APBB2: variants seen among roughly 807,000 people sequenced by gnomAD.
APBB2 encodes the protein Fe65-like 1.
In APBB2, 38 loss-of-function variants were observed where a neutral mutation model predicts 82.5. The observed-to-expected ratio is 0.46, with a 90% CI of 0.36 to 0.60. The LOEUF (loss-of-function observed/expected upper bound fraction) is 0.60. APBB2 is among the 20% of genes least tolerant of loss of function. APBB2 has a pLI of 0.00. For synonymous variants in APBB2, 341 were observed against 368.2 expected (o/e 0.93, Z 0.85); for missense variants, 772 against 972.3 (o/e 0.79, Z 2.74).
At chr4:41,122,389 C>G (rs1159954742) in intron 2 of APBB2, among the ~76,000 whole-genome samples, 1 of 152,120 alleles carries the variant, frequency 6.6e-6, no homozygotes, top group East Asian at 1.9e-4. Context: ...GTCTCCCTAC[C>G]TTCTTCCCCT....
intron 12 of APBB2, among the ~76,000 whole-genome samples, chr4:40,884,181 G>C (rs1395564775): frequency 6.6e-6 from 1 of 152,128 alleles, no homozygotes; most frequent in Admixed American, 6.5e-5. Context: ...AAATACCTGG[G>C]GTGTGTTTTT....
chr4:41,113,093 C>T (rs1749783689), intron 2 of APBB2, among the ~76,000 whole-genome samples: 1 of 152,032 alleles, frequency 6.6e-6, no homozygotes, highest in Non-Finnish European at 1.5e-5. Flanking sequence ...TCTGTGAGTC[C>T]AGGGCTGGGT....
intron 6 of APBB2, among the ~76,000 whole-genome samples, chr4:40,971,252 A>C (rs1369648483): frequency 2.0e-5 from 3 of 152,240 alleles, no homozygotes; most frequent in Admixed American, 6.5e-5. Flanking sequence ...CTAAAATTTA[A>C]ACATACTGAG....
chr4:40,855,585 A>G (rs1760923016), intron 12 of APBB2, among the ~76,000 whole-genome samples: 1 of 152,012 alleles, frequency 6.6e-6, no homozygotes, highest in South Asian at 2.1e-4. Flanking sequence ...AAAAAACAGA[A>G]ATTAGCCGGG....
At chr4:40,867,773 TC>T (rs1479579206) in intron 12 of APBB2, among the ~76,000 whole-genome samples, 14 of 152,146 alleles carry the variant, frequency 9.2e-5, no homozygotes, top group Non-Finnish European at 1.3e-4. Context: ...CAGTCTGTAT[TC>T]CTTTCATATA....
intron 1 of APBB2, among the ~76,000 whole-genome samples, chr4:41,191,126 G>A (rs1774315144): frequency 6.6e-6 from 1 of 152,202 alleles, no homozygotes; most frequent in Non-Finnish European, 1.5e-5. Context: ...CCAGGAAGGA[G>A]AACGCTCAGA....
chr4:41,137,200 G>C (rs986162949), intron 2 of APBB2, among the ~76,000 whole-genome samples: 16 of 152,198 alleles, frequency 1.1e-4, no homozygotes, highest in African/African-American at 3.9e-4. Flanking sequence ...TAATAGTTTT[G>C]TGATATGAGA....
At chr4:41,213,195 C>G (rs1779763868) in intron 1 of APBB2, among the ~76,000 whole-genome samples, 1 of 152,020 alleles carries the variant, frequency 6.6e-6, no homozygotes, top group Non-Finnish European at 1.5e-5. Context: ...ATGATAAACC[C>G]ATGCCAACCT....
At chr4:40,935,474 A>T in intron 7 of APBB2, 1 of 234,154 alleles carries the variant, frequency 4.3e-6, no homozygotes, top group Non-Finnish European at 8.2e-6. Context: ...ACCTAATTCC[A>T]TAATAATCAT....
chr4:41,046,557 A>G (rs1723494515), intron 4 of APBB2, among the ~76,000 whole-genome samples: 1 of 152,176 alleles, frequency 6.6e-6, no homozygotes, highest in East Asian at 1.9e-4. Flanking sequence ...AACATAAGAG[A>G]TGAACTGCCT....
intron 12 of APBB2, among the ~76,000 whole-genome samples, chr4:40,840,686 C>G (rs183397765): frequency 5.9e-5 from 9 of 152,244 alleles, no homozygotes; most frequent in Non-Finnish European, 1.3e-4. Flanking sequence ...ACAGGCTTAG[C>G]AGGGAATTCT....
intron 2 of APBB2, among the ~76,000 whole-genome samples, chr4:41,137,206 T>A (rs531891336): frequency 6.6e-6 from 1 of 152,318 alleles, no homozygotes; most frequent in South Asian, 2.1e-4. Flanking sequence ...TTTTGTGATA[T>A]GAGACCCAAT....
intron 2 of APBB2, chr4:41,138,056 A>G (rs1040975692): frequency 1.3e-5 from 2 of 152,248 alleles, no homozygotes; most frequent in African/African-American, 4.8e-5. Flanking sequence ...AGTTCCAGTT[A>G]CTCGAGAGGC....
At chr4:41,052,185 T>C (rs1322047487) in intron 4 of APBB2, among the ~76,000 whole-genome samples, 2 of 145,012 alleles carry the variant, frequency 1.4e-5, no homozygotes, top group Admixed American at 6.9e-5. Flanking sequence ...CTGGGCAACA[T>C]AGCAAGACCT....
At chr4:41,137,875 T>A (rs1422350585) in intron 2 of APBB2, among the ~76,000 whole-genome samples, 1 of 152,114 alleles carries the variant, frequency 6.6e-6, no homozygotes, top group Admixed American at 6.5e-5. Flanking sequence ...CCCAAATGAA[T>A]TAAACACCAA....
chr4:40,888,433 G>A (rs1216564371), intron 12 of APBB2, among the ~76,000 whole-genome samples: 3 of 151,944 alleles, frequency 2.0e-5, no homozygotes, highest in Non-Finnish European at 4.4e-5. Context: ...TACACGCATG[G>A]AATGTAACAA....
At chr4:41,048,721 G>A (rs1035248509) in intron 4 of APBB2, among the ~76,000 whole-genome samples, 4 of 141,188 alleles carry the variant, frequency 2.8e-5, no homozygotes, top group African/African-American at 7.7e-5. Context: ...CTCTGATGCC[G>A]AGCGGAAGCT....
chr4:40,922,180 A>G (rs563246877), intron 10 of APBB2, among the ~76,000 whole-genome samples: 1 of 152,390 alleles, frequency 6.6e-6, no homozygotes, highest in South Asian at 2.1e-4. Context: ...ACATGAAGCA[A>G]CAGAAATCCA....
chr4:41,136,333 G>T (rs1371211003), intron 2 of APBB2, among the ~76,000 whole-genome samples: 1 of 152,168 alleles, frequency 6.6e-6, no homozygotes. Context: ...AGAAAGAAAA[G>T]ATTTAAAGAA....
Sources: gnomAD v4.1 joint callset for allele counts (sites outside exome capture counted in the v4.1 genomes callset) on GRCh38, gnomAD v4.1.1 for gene constraint, MANE v1.5 for transcripts, NCBI Gene and HGNC (gene_info 2026-07-23, HGNC 2026-07-21) for gene names.